Variants in CCDC73 observed in about 807,000 individuals in gnomAD.
The protein encoded by CCDC73 is coiled-coil domain containing 73.
A neutral mutation model predicts 116.5 loss-of-function variants in CCDC73; 95 were observed. The ratio of observed to expected loss-of-function variants is 0.82; its 90% CI spans 0.69 to 0.97. CCDC73 has a LOEUF of 0.97. Among genes scored for constraint, CCDC73 ranks in the 50% least tolerant of loss-of-function variants. The pLI is 0.00. For missense variants in CCDC73, 1,066 were observed against 1,206.8 expected (o/e 0.88, Z 1.73); for synonymous variants, 398 against 401.3 (o/e 0.99, Z 0.10).
At chr11:32,636,988 T>A (rs1375000045) in intron 13 of CCDC73, among the ~76,000 whole-genome samples, 2 of 151,224 alleles carry the variant, frequency 1.3e-5, no homozygotes, top group South Asian at 2.1e-4. Context: ...CTTGACCCAG[T>A]TCCTCTGTCT....
At chr11:32,629,935 CAA>C (rs61061465) in intron 14 of CCDC73, among the ~76,000 whole-genome samples, 1 of 123,354 alleles carries the variant, frequency 8.1e-6, no homozygotes. Context: ...AAAAAAAAAA[CAA>C]AAAAAAAACG....
At chr11:32,818,165 T>A in the CCDC73 span, among the ~76,000 whole-genome samples, 23 of 152,392 alleles carry the variant, frequency 1.5e-4, no homozygotes, top group Admixed American at 1.4e-3. Flanking sequence ...CTAAGTACCT[T>A]ACATGGGTCT....
At chr11:32,677,973 A>C (rs1489461688) in intron 7 of CCDC73, among the ~76,000 whole-genome samples, 13 of 149,656 alleles carry the variant, frequency 8.7e-5, no homozygotes, top group Admixed American at 2.0e-4. Context: ...AAAAAAAAAA[A>C]AAAAAACCCA....
the CCDC73 span, among the ~76,000 whole-genome samples, chr11:32,826,821 A>G: frequency 2.0e-5 from 3 of 152,144 alleles, no homozygotes; most frequent in African/African-American, 7.2e-5. Context: ...GAGAACACTT[A>G]AAATGCTTTG....
intron 16 of CCDC73, among the ~76,000 whole-genome samples, chr11:32,611,804 C>A (rs968288030): frequency 2.6e-5 from 4 of 152,108 alleles, no homozygotes; most frequent in South Asian, 2.1e-4. Flanking sequence ...TTAAAAGATA[C>A]TGATGGCATA....
chr11:32,629,770 CAAAAAAA>C (rs33970031), intron 14 of CCDC73, among the ~76,000 whole-genome samples: 1 of 121,632 alleles, frequency 8.2e-6, no homozygotes, highest in African/African-American at 3.1e-5. Flanking sequence ...CAATGCAAGC[CAAAAAAA>C]AAAAAAAATG....
the CCDC73 span, chr11:32,830,403 G>C: frequency 9.9e-7 from 1 of 1,013,452 alleles, no homozygotes; most frequent in Non-Finnish European, 1.3e-6. Flanking sequence ...GGGCGCTCTT[G>C]CGCCTAGGCT....
At chr11:32,653,018 A>G in intron 12 of CCDC73, 105 bp downstream of exon 12, 1 of 618,842 alleles carries the variant, frequency 1.6e-6, no homozygotes, top group Non-Finnish European at 2.7e-6. Flanking sequence ...ATTCAAAATA[A>G]TCTCAATAAA....
At chr11:32,661,082 A>C (rs1443298681) in intron 9 of CCDC73, among the ~76,000 whole-genome samples, 3 of 152,206 alleles carry the variant, frequency 2.0e-5, no homozygotes, top group South Asian at 2.1e-4. Flanking sequence ...GATGATAGAA[A>C]AGGATCCTCT....
intron 1 of CCDC73, among the ~76,000 whole-genome samples, chr11:32,767,504 CA>C (rs1378855036): frequency 6.6e-6 from 1 of 152,010 alleles, no homozygotes; most frequent in African/African-American, 2.4e-5. Flanking sequence ...TTCTGCACAG[CA>C]AAAGAAACTA....
At chr11:32,729,605 A>C (rs1850058161) in intron 2 of CCDC73, among the ~76,000 whole-genome samples, 1 of 152,212 alleles carries the variant, frequency 6.6e-6, no homozygotes, top group Non-Finnish European at 1.5e-5. Context: ...TCACCACACC[A>C]TCTTCCACGA....
intron 3 of CCDC73, among the ~76,000 whole-genome samples, chr11:32,705,550 G>A (rs2129307): frequency 0.58 from 88,572 of 151,992 alleles, 26,139 homozygotes; most frequent in East Asian, 0.84. Context: ...CCTCGTCACT[G>A]TGTGCCTGGC....
intron 1 of CCDC73, among the ~76,000 whole-genome samples, chr11:32,780,888 G>T (rs1850577363): frequency 6.6e-6 from 1 of 152,164 alleles, no homozygotes; most frequent in African/African-American, 2.4e-5. Context: ...CTGGTTCCAG[G>T]GTTGTACTCT....
At chr11:32,665,996 C>T (rs185331185) in intron 9 of CCDC73, among the ~76,000 whole-genome samples, 2 of 152,242 alleles carry the variant, frequency 1.3e-5, no homozygotes, top group African/African-American at 4.8e-5. Context: ...CCCACACTCT[C>T]TTCTGGCTTG....
Position 32,650,115 on chromosome 11 carries a change from T to C in CCDC73, c.939+3008A>G, listed in dbSNP as rs76596725. 5.2e-3 allele frequency among the ~76,000 whole-genome samples: 796 copies of C among 152,294 alleles called. 8 individuals are homozygous for C. Among genetic ancestry groups the C allele is most frequent in the African/African-American group, 0.018 (766 of 41,576 alleles). ...GAAACACGTAACTGTATATAGGCTC[T>C]GTAGAATTCAGCAGTATGTAAGTAC... On this transcript the variant is annotated intron_variant, in intron 12 of 17. Coordinates refer to ENST00000335185, the MANE Select transcript of CCDC73 (RefSeq NM_001008391.4).
At chr11:32,791,755 C>T (rs1766606832) in intron 1 of CCDC73, among the ~76,000 whole-genome samples, 1 of 152,120 alleles carries the variant, frequency 6.6e-6, no homozygotes, top group South Asian at 2.1e-4. Flanking sequence ...GAGCTCAAGA[C>T]CTCAAGACCA....
At chr11:32,675,365 A>T (rs1339011643) in intron 9 of CCDC73, among the ~76,000 whole-genome samples, 200 bp downstream of exon 9, 5 of 152,228 alleles carry the variant, frequency 3.3e-5, no homozygotes, top group Non-Finnish European at 1.5e-5. Context: ...GTCACAAGTC[A>T]AAGAAATAAT....
At chr11:32,631,053 T>C (rs538400680) in intron 14 of CCDC73, among the ~76,000 whole-genome samples, 1 of 152,262 alleles carries the variant, frequency 6.6e-6, no homozygotes. Context: ...ATAAATCATA[T>C]AGCTAATAAC....
At chr11:32,697,468 A>G (rs969127127) in intron 6 of CCDC73, among the ~76,000 whole-genome samples, 3 of 144,826 alleles carry the variant, frequency 2.1e-5, no homozygotes, top group African/African-American at 5.1e-5. Flanking sequence ...CTTGGTTGTT[A>G]TATCTCTTTA....
Sources: allele counts gnomAD v4.1 joint callset (sites outside exome capture counted in the v4.1 genomes callset), GRCh38; gene constraint gnomAD v4.1.1; transcripts MANE v1.5; gene names NCBI Gene and HGNC (gene_info 2026-07-23, HGNC 2026-07-21).